STARD13: variants seen among roughly 807,000 people sequenced by gnomAD.
STARD13 encodes the protein stAR-related lipid transfer protein 13.
STARD13 carries 62 observed loss-of-function variants against 106.4 expected under a neutral mutation model. That is an observed-to-expected ratio of 0.58 (90% CI 0.48 to 0.72). The LOEUF is 0.72. Ranked by LOEUF, STARD13 falls within the 30% of genes least tolerant of loss-of-function variation. The pLI is 0.00. For synonymous variants in STARD13, 565 were observed against 553.0 expected, an observed-to-expected ratio of 1.02 and a Z score of -0.31; for missense variants, 1,387 against 1,424.0, an observed-to-expected ratio of 0.97 and a Z score of 0.42.
the STARD13 span, among the ~76,000 whole-genome samples, chr13:33,446,064 A>AG: frequency 6.6e-6 from 1 of 151,538 alleles, no homozygotes; most frequent in Non-Finnish European, 1.5e-5. Flanking sequence ...AATATTTCAA[A>AG]GCATTGTAAT....
At chr13:33,628,437 CCTT>C in the STARD13 span, among the ~76,000 whole-genome samples, 1 of 152,112 alleles carries the variant, frequency 6.6e-6, no homozygotes, top group Non-Finnish European at 1.5e-5. Context: ...CAGAATGGGT[CCTT>C]CTTTTTCTCA....
the STARD13 span, among the ~76,000 whole-genome samples, chr13:33,456,786 G>C: frequency 0.3 from 45,598 of 152,096 alleles, 7,601 homozygotes; most frequent in Non-Finnish European, 0.39. Flanking sequence ...CTATGAACCA[G>C]AAAGCAGGCA....
chr13:33,165,868 T>C (rs1883256390), intron 2 of STARD13, among the ~76,000 whole-genome samples: 1 of 152,226 alleles, frequency 6.6e-6, no homozygotes. Flanking sequence ...AAATTTTTTT[T>C]AGTAGCAAAA....
chr13:33,469,879 GC>G, the STARD13 span, among the ~76,000 whole-genome samples: 1 of 151,886 alleles, frequency 6.6e-6, no homozygotes, highest in African/African-American at 2.4e-5. Flanking sequence ...GAGCTGTACA[GC>G]TTTTTTGTTT....
intron 7 of STARD13, among the ~76,000 whole-genome samples, chr13:33,120,577 A>C (rs920150570): frequency 1.3e-5 from 2 of 152,062 alleles, no homozygotes; most frequent in African/African-American, 4.8e-5. Flanking sequence ...GTATATATAT[A>C]TTTTGGTTTC....
intron 1 of STARD13, among the ~76,000 whole-genome samples, chr13:33,304,540 T>C (rs1892835047): frequency 6.6e-6 from 1 of 152,228 alleles, no homozygotes; most frequent in Non-Finnish European, 1.5e-5. Context: ...AAGAATTCTA[T>C]GTAATTTTTA....
chr13:33,621,680 C>CAAAAAAAAAAAAAA, the STARD13 span, among the ~76,000 whole-genome samples: 1 of 82,328 alleles, frequency 1.2e-5, no homozygotes. Flanking sequence ...ACTCAGTCTC[C>CAAAAAAAAAAAAAA]AAAAAAAAAA....
chr13:33,407,130 C>T, the STARD13 span, among the ~76,000 whole-genome samples: 1 of 152,168 alleles, frequency 6.6e-6, no homozygotes, highest in African/African-American at 2.4e-5. Flanking sequence ...GGTCCAGCAG[C>T]ACGCATGTAA....
chr13:33,194,964 A>T (rs1886512209), intron 1 of STARD13, among the ~76,000 whole-genome samples: 1 of 152,236 alleles, frequency 6.6e-6, no homozygotes, highest in Admixed American at 6.5e-5. Context: ...TCAAGGAAAA[A>T]GTTGTTTTTG....
intron 1 of STARD13, among the ~76,000 whole-genome samples, chr13:33,205,621 G>GT (rs1887362197): frequency 6.6e-6 from 1 of 152,198 alleles, no homozygotes; most frequent in African/African-American, 2.4e-5. Context: ...ACTTGCAAAT[G>GT]TTTCTAGAGT....
chr13:33,299,154 T>C (rs547267819), intron 1 of STARD13, among the ~76,000 whole-genome samples: 2 of 152,336 alleles, frequency 1.3e-5, no homozygotes, highest in Non-Finnish European at 2.9e-5. Context: ...CTAGGAGCAA[T>C]AGGCCACCCC....
intron 3 of STARD13, chr13:33,155,542 C>T (rs911417787): frequency 6.6e-6 from 1 of 152,180 alleles, no homozygotes; most frequent in Non-Finnish European, 1.5e-5. Context: ...CCCTCAATCT[C>T]CTCCCTGATT....
rs71071079 is a variant in STARD13 at position 33,123,055 on chromosome 13, C to CAAAAAAAAAAAA, written c.2082+3014_2082+3025dup. Among the ~76,000 whole-genome samples the CAAAAAAAAAAAA allele has an allele frequency of 5.7e-4, 26 of 45,854 alleles. 4 individuals carry two copies. Among genetic ancestry groups the CAAAAAAAAAAAA allele is most frequent in the Admixed American group, 1.0e-3 (3 of 2,900 alleles). The allele number at this position is 45,854 out of a possible 152,430, so 30.1% of individuals were successfully genotyped here. A position where few individuals can be genotyped will look rare whatever the true frequency, so the allele number is the denominator to read the frequency against. On this transcript the variant is annotated intron_variant, in intron 7 of 13. Transcript: ENST00000336934. ...TGGGTGACAGAGCAAGACTCCATCTCAAAAAAAAAAAAAAAAAAAAAAAAG... is the reference window on the plus strand; with the variant it reads ...TGGGTGACAGAGCAAGACTCCATCTCAAAAAAAAAAAAAAAAAAAAAAAAAAAAAAAAAAAAG...
intron 1 of STARD13, among the ~76,000 whole-genome samples, chr13:33,217,127 G>A (rs1374965785): frequency 2.6e-5 from 4 of 152,154 alleles, no homozygotes; most frequent in Admixed American, 1.3e-4. Context: ...GCTGGCTTCA[G>A]GTCTCTTCTT....
At chr13:33,207,632 C>T (rs577639193) in intron 1 of STARD13, among the ~76,000 whole-genome samples, 2 of 152,186 alleles carry the variant, frequency 1.3e-5, no homozygotes, top group Non-Finnish European at 2.9e-5. Flanking sequence ...ACACTCACCC[C>T]TCAACTCCAC....
intron 1 of STARD13, among the ~76,000 whole-genome samples, chr13:33,313,529 A>G (rs764832797): frequency 7.2e-5 from 11 of 152,116 alleles, no homozygotes; most frequent in Non-Finnish European, 1.6e-4. Flanking sequence ...AGATTTAAAC[A>G]TTCTCTTGAG....
At chr13:33,168,996 T>A (rs1419673152) in intron 1 of STARD13, among the ~76,000 whole-genome samples, 1 of 152,204 alleles carries the variant, frequency 6.6e-6, no homozygotes, top group Non-Finnish European at 1.5e-5. Flanking sequence ...TCTTCTGTCA[T>A]CCCCTAATCT....
chr13:33,640,322 G>A, the STARD13 span, among the ~76,000 whole-genome samples: 2 of 152,068 alleles, frequency 1.3e-5, no homozygotes, highest in Admixed American at 6.6e-5. Context: ...CCTGTAATTC[G>A]ACTACAAATG....
intron 1 of STARD13, among the ~76,000 whole-genome samples, chr13:33,294,829 CAA>C (rs1892426499): frequency 6.6e-6 from 1 of 152,140 alleles, no homozygotes; most frequent in African/African-American, 2.4e-5. Flanking sequence ...AATGTTGACT[CAA>C]ATTATAATTT....
Sources: allele counts gnomAD v4.1 joint callset (sites outside exome capture counted in the v4.1 genomes callset), GRCh38; gene constraint gnomAD v4.1.1; transcripts MANE v1.5; gene names NCBI Gene and HGNC (gene_info 2026-07-23, HGNC 2026-07-21).